Variants in AXIN1 observed in about 807,000 individuals in gnomAD.
AXIN1 encodes the protein axin 1, also known as axin-1.
Under a neutral mutation model 76.4 loss-of-function variants are expected in AXIN1, and 30 were observed. That is an observed-to-expected ratio of 0.39 (90% CI 0.29 to 0.53). The LOEUF (loss-of-function observed/expected upper bound fraction) is 0.53. AXIN1 is among the 20% of genes least tolerant of loss of function. The pLI is 0.66. For missense variants in AXIN1, 1,140 were observed against 1,198.8 expected (o/e 0.95, Z 0.72); for synonymous variants, 545 against 501.4 (o/e 1.09, Z -1.16).
chr16:326,370 A>ATATATATATATAT (rs1415761664), intron 2 of AXIN1, among the ~76,000 whole-genome samples: 12 of 93,010 alleles, frequency 1.3e-4, no homozygotes, highest in African/African-American at 2.5e-4. Context: ...AAAAAAAAAA[A>ATATATATATATAT]AAATATATAT....
chr16:347,082 C>A lies in AXIN1; in HGVS notation c.-57G>T, dbSNP rs2054049229. 5 of 1,612,454 alleles carry A rather than the reference C, an allele frequency of 3.1e-6. No homozygotes were observed. Among genetic ancestry groups the A allele is most frequent in the Non-Finnish European group, 4.2e-6 (5 of 1,180,018 alleles). On this transcript the variant is annotated 5_prime_UTR_variant, in exon 2 of 11. Coordinates refer to ENST00000262320, the MANE Select transcript of AXIN1 (RefSeq NM_003502.4). ...CTGCACCCTAATACATCAGTACTTA[C>A]AGCTCCAAAGTGAATCAATCTGTCC...
chr16:299,805 G>A (rs1312939055), intron 5 of AXIN1, among the ~76,000 whole-genome samples: 15 of 150,498 alleles, frequency 1.0e-4, no homozygotes, highest in African/African-American at 1.5e-4. Flanking sequence ...ACAGGTGCCC[G>A]CCACCACGCC....
intron 2 of AXIN1, among the ~76,000 whole-genome samples, chr16:319,837 C>T (rs747715582): frequency 6.6e-6 from 1 of 152,226 alleles, no homozygotes; most frequent in Non-Finnish European, 1.5e-5. Flanking sequence ...TTTAATGAGG[C>T]TGTCTGGTCC....
Position 346,477 on chromosome 16 carries a change from G to A in AXIN1, c.549C>T (p.Asp183=), listed in dbSNP as rs2141703688. 25 of 1,614,172 alleles carry A rather than the reference G, an allele frequency of 1.5e-5. No individual in the cohort carries two copies. The highest frequency in any genetic ancestry group is 2.0e-5 in the Non-Finnish European group (24 of 1,180,030). Residue 183 remains aspartate (D), a synonymous_variant, in exon 2 of 11, where the codon GAC becomes GAT. Transcript: ENST00000262320. Reference sequence around the variant, plus strand: ...TGGCCTGGATTTCGGTCTGGGCCTGGTCAAACATGGCAGGATCGATCAGCT... The same window carrying A: ...TGGCCTGGATTTCGGTCTGGGCCTGATCAAACATGGCAGGATCGATCAGCT... ...MKQLIDPAMF[D]QAQTEIQATM...
chr16:340,601 C>G (rs911457442), intron 2 of AXIN1, among the ~76,000 whole-genome samples: 10 of 152,198 alleles, frequency 6.6e-5, no homozygotes, highest in African/African-American at 2.4e-4. Context: ...CCTGCTGATC[C>G]ACACCGCTGA....
chr16:306,549 C>T (rs1295103329), intron 4 of AXIN1, among the ~76,000 whole-genome samples: 2 of 152,168 alleles, frequency 1.3e-5, no homozygotes, highest in Non-Finnish European at 2.9e-5. Context: ...TTCTCATCTA[C>T]ACAATGAGAG....
At chr16:290,849 G>A (rs763211941) in intron 9 of AXIN1, 94 of 421,086 alleles carry the variant, frequency 2.2e-4, no homozygotes, top group Non-Finnish European at 3.3e-4. Flanking sequence ...GGCAGGGACC[G>A]GCCCGTTCCA....
At chr16:341,661 C>T (rs1030447577) in intron 2 of AXIN1, among the ~76,000 whole-genome samples, 3 of 151,278 alleles carry the variant, frequency 2.0e-5, no homozygotes, top group South Asian at 2.1e-4. Context: ...GCAGCTCCAC[C>T]TGCAACCCCG....
intron 2 of AXIN1, among the ~76,000 whole-genome samples, chr16:341,171 G>C (rs1017080874): frequency 5.9e-5 from 9 of 152,280 alleles, no homozygotes; most frequent in African/African-American, 1.9e-4. Context: ...GGTGGCACTT[G>C]AGGAGCCCTT....
chr16:333,765 C>T (rs115621073), intron 2 of AXIN1, among the ~76,000 whole-genome samples: 4,056 of 152,032 alleles, frequency 0.027, 194 homozygotes, highest in African/African-American at 0.093. Context: ...GGCATGAGCG[C>T]ATAACACCAG....
intron 3 of AXIN1, among the ~76,000 whole-genome samples, chr16:310,300 G>A (rs1481369085): frequency 2.0e-5 from 3 of 152,230 alleles, no homozygotes; most frequent in African/African-American, 7.2e-5. Context: ...GCCCAGCCAC[G>A]CGTCTTCCTA....
chr16:327,515 T>C (rs1425292474), intron 2 of AXIN1, among the ~76,000 whole-genome samples: 1 of 152,214 alleles, frequency 6.6e-6, no homozygotes, highest in Non-Finnish European at 1.5e-5. Flanking sequence ...ACCCACTCAC[T>C]GTGAACCGCA....
intron 5 of AXIN1, among the ~76,000 whole-genome samples, chr16:303,007 G>A (rs538580371): frequency 6.6e-6 from 1 of 152,224 alleles, no homozygotes; most frequent in East Asian, 1.9e-4. Context: ...GACCACAGGT[G>A]TGTGCCACCA....
rs185443471 is a variant in AXIN1, at chr16:345,019, G to A, written c.878+1129C>T. 1.3e-4 allele frequency among the ~76,000 whole-genome samples: 20 copies of A among 152,312 alleles called. No homozygotes were observed. The East Asian group carries it at 1.5e-3, about 12-fold the overall frequency. ...CCAGGCTTTCAAAGTTACACAGGCC[G>A]GAGCCTCCGGTCACCAGCTCTAGGG... On this transcript the variant is annotated intron_variant, in intron 2 of 10. Coordinates refer to ENST00000262320, the MANE Select transcript of AXIN1 (RefSeq NM_003502.4).
At position 307,961 on chromosome 16, in the gene AXIN1, C is replaced by T. The variant is rs370950099; in HGVS notation, c.1116+2012G>A. Among the ~76,000 whole-genome samples, 24 of 152,134 alleles carry T rather than the reference C, an allele frequency of 1.6e-4. No individual in the cohort carries two copies. The East Asian group carries it at 2.1e-3, about 13-fold the overall frequency. On this transcript the variant is annotated intron_variant, in intron 4 of 10. Transcript: ENST00000262320. ...CTCACTTGGGCCTCTGGCTGAGGGA[C>T]CTCCCACCGAAGGTTCCAACCACAG... is the stretch of plus-strand genomic sequence containing the variant.
chr16:314,481 G>A (rs1380325299), intron 3 of AXIN1, 62 bp downstream of exon 3: 2 of 1,608,262 alleles, frequency 1.2e-6, no homozygotes, highest in Non-Finnish European at 1.7e-6. Flanking sequence ...GGGACAAGGT[G>A]TCTGGGACCG....
chr16:346,074 C>T (rs561997783), intron 2 of AXIN1, 74 bp downstream of exon 2: 1 of 1,507,008 alleles, frequency 6.6e-7, no homozygotes, highest in East Asian at 2.3e-5. Flanking sequence ...CCCGCCTCAT[C>T]AGCACCTTTC....
chr16:318,240 T>C (rs767263107), intron 2 of AXIN1, among the ~76,000 whole-genome samples: 5 of 152,240 alleles, frequency 3.3e-5, no homozygotes, highest in Admixed American at 6.5e-5. Flanking sequence ...CAGGTGTGCC[T>C]TTCACATTTT....
At chr16:310,113 G>C (rs1293065772) in intron 3 of AXIN1, 44 bp from the exon 4 acceptor site, 37 of 1,555,706 alleles carry the variant, frequency 2.4e-5, no homozygotes, top group Admixed American at 3.8e-5. Context: ...AGAGGAGCAG[G>C]AGGGCCAGCA....
Sources: gnomAD v4.1 joint callset for allele counts (sites outside exome capture counted in the v4.1 genomes callset) on GRCh38, gnomAD v4.1.1 for gene constraint, MANE v1.5 for transcripts, NCBI Gene and HGNC (gene_info 2026-07-23, HGNC 2026-07-21) for gene names.